Variants in FNIP2 observed in about 807,000 individuals in gnomAD.
FNIP2 encodes the protein folliculin-interacting protein 2.
In FNIP2, 32 loss-of-function variants were observed where a neutral mutation model predicts 108.7. That is an observed-to-expected ratio of 0.29 (90% CI 0.22 to 0.40). The LOEUF (loss-of-function observed/expected upper bound fraction) is 0.40, where lower values mean the gene tolerates loss of function less well. Among genes scored for constraint, FNIP2 ranks in the 10% least tolerant of loss-of-function variants. FNIP2 has a pLI of 1.00. For missense variants in FNIP2, 1,202 were observed against 1,381.6 expected (o/e 0.87, Z 2.06); for synonymous variants, 480 against 496.7 (o/e 0.97, Z 0.45).
chr4:158,860,794 T>TACCA (rs1358560923), intron 10 of FNIP2, among the ~76,000 whole-genome samples: 233 of 151,940 alleles, frequency 1.5e-3, no homozygotes, highest in African/African-American at 5.3e-3. Context: ...GTAGCTGGGT[T>TACCA]TACAGGCGCG....
chr4:158,895,164 G>A (rs1160765414), intron 15 of FNIP2, among the ~76,000 whole-genome samples: 1 of 151,976 alleles, frequency 6.6e-6, no homozygotes, highest in East Asian at 1.9e-4. Flanking sequence ...TTTCTTTATT[G>A]TTATTAAAGA....
chr4:158,869,000 A>G lies in FNIP2; in HGVS notation c.2364A>G (p.Glu788=), dbSNP rs779597020. The part of the protein sequence containing the change: ...CPQNRLSEGD[E]GESDKGFAED... ...AGAATCGGCTTTCAGAGGGGGATGA[A>G]GGCGAGTCTGACAAGGGTTTTGCAG... The change falls in exon 13 of 17, where the codon GAA becomes GAG. Residue 788 remains glutamate, a synonymous_variant. Coordinates refer to ENST00000264433, the MANE Select transcript of FNIP2 (RefSeq NM_020840.3). The surrounding 1 kb of genome is among the most constrained non-coding windows in gnomAD (Gnocchi z 4.6). 6.2e-7 allele frequency: 1 copy of G among 1,613,970 alleles called. No individual in the cohort carries two copies. Among genetic ancestry groups the G allele is most frequent in the East Asian group, 2.2e-5 (1 of 44,888 alleles).
chr4:158,849,221 A>T (rs1779569075), intron 7 of FNIP2, among the ~76,000 whole-genome samples: 2 of 152,176 alleles, frequency 1.3e-5, no homozygotes, highest in South Asian at 4.1e-4. Context: ...TTGGGGGAAA[A>T]GGGGATCTAG....
At chr4:158,775,583 A>G (rs956175713) in intron 1 of FNIP2, among the ~76,000 whole-genome samples, 6 of 152,036 alleles carry the variant, frequency 3.9e-5, no homozygotes, top group Admixed American at 1.3e-4. Flanking sequence ...TGGGATGGGG[A>G]TGGAAGGAGA....
Position 158,851,391 on chromosome 4 carries a change from C to T in FNIP2, c.798C>T (p.Tyr266=). Residue 266 remains tyrosine, a synonymous_variant, in exon 8 of 17, where the codon TAC becomes TAT. Coordinates refer to ENST00000264433, the MANE Select transcript of FNIP2 (RefSeq NM_020840.3). Reference sequence around the variant, plus strand: ...CCTCTACATCTTCTTCCAGCAGTTACCAGCGCCGCTGGCTTCGAAGTCAGA... The same window carrying T: ...CCTCTACATCTTCTTCCAGCAGTTATCAGCGCCGCTGGCTTCGAAGTCAGA... The part of the protein sequence containing the change: ...PSSSTSSSSS[Y]QRRWLRSQTT... The T allele has an allele frequency of 6.2e-7, 1 of 1,613,966 alleles. No homozygotes were observed. The highest frequency in any genetic ancestry group is 1.1e-5 in the South Asian group (1 of 91,078).
chr4:158,784,547 T>C (rs892886454), intron 1 of FNIP2, among the ~76,000 whole-genome samples: 1 of 152,212 alleles, frequency 6.6e-6, no homozygotes, highest in African/African-American at 2.4e-5. Flanking sequence ...GCATAATCAG[T>C]GGGAGCCCTG....
chr4:158,791,266 C>CTTTTTTTTTTTTTTTTTTTTTTT (rs199714823), intron 1 of FNIP2, among the ~76,000 whole-genome samples: 1 of 98,050 alleles, frequency 1.0e-5, no homozygotes, highest in Non-Finnish European at 1.9e-5. Context: ...ACTGAGGATC[C>CTTTTTTTTTTTTTTTTTTTTTTT]TTTTTTTTTT....
At chr4:158,772,998 A>G (rs1451325231) in intron 1 of FNIP2, among the ~76,000 whole-genome samples, 2 of 152,146 alleles carry the variant, frequency 1.3e-5, no homozygotes, top group African/African-American at 4.8e-5. Context: ...CTTCCCTCAC[A>G]TGGAGGGAAA....
At chr4:158,783,420 G>A (rs1045803224) in intron 1 of FNIP2, among the ~76,000 whole-genome samples, 1 of 152,218 alleles carries the variant, frequency 6.6e-6, no homozygotes, top group Non-Finnish European at 1.5e-5. Flanking sequence ...TAGTTGGAGA[G>A]GGGCAAGTTA....
chr4:158,901,545 G>T (rs1051874460), intron 16 of FNIP2, among the ~76,000 whole-genome samples: 1 of 152,088 alleles, frequency 6.6e-6, no homozygotes, highest in Non-Finnish European at 1.5e-5. Context: ...GCCTTGCTAG[G>T]TTGGGGACAT....
chr4:158,859,389 A>G lies in FNIP2; in HGVS notation c.1059+131A>G, dbSNP rs1164522875. 6.1e-6 allele frequency: 7 copies of G among 1,147,808 alleles called. No homozygotes were observed. In the Admixed American group the frequency reaches 7.7e-5, roughly 13 times the overall value. 71.1% of individuals were successfully genotyped at this position (1,147,808 alleles called of 1,614,324 possible). A position where few individuals can be genotyped will look rare whatever the true frequency, so the allele number is the denominator to read the frequency against. On this transcript the variant is annotated intron_variant, in intron 9 of 16. Transcript: ENST00000264433. ...ATCACCTGTAGCAGTGATAAATTTT[A>G]GGCATGTTGATGTTAGTTACCAGAT...
chr4:158,828,947 A>T (rs530387006), intron 2 of FNIP2, 132 bp from the exon 3 acceptor site: 1 of 720,174 alleles, frequency 1.4e-6, no homozygotes, highest in East Asian at 3.0e-5. Context: ...TTATTGGGGA[A>T]AAAAAAAAGC....
chr4:158,810,347 G>A (rs1008513623), intron 1 of FNIP2, among the ~76,000 whole-genome samples: 21 of 152,198 alleles, frequency 1.4e-4, no homozygotes, highest in Non-Finnish European at 7.3e-5. Flanking sequence ...CAGAGAGGTC[G>A]TAAATGGTTG....
chr4:158,899,322 G>A (rs780832470), intron 16 of FNIP2, among the ~76,000 whole-genome samples: 3 of 152,068 alleles, frequency 2.0e-5, no homozygotes, highest in Non-Finnish European at 4.4e-5. Flanking sequence ...TTTTTGTTGG[G>A]TCTCTGCCAG....
chr4:158,874,158 A>G (rs1378854602), intron 14 of FNIP2, among the ~76,000 whole-genome samples: 3 of 152,246 alleles, frequency 2.0e-5, no homozygotes, highest in Non-Finnish European at 2.9e-5. Flanking sequence ...AAATGTATTT[A>G]GTGGAACAGA....
rs1288391719 is a variant in FNIP2, at chr4:158,878,994, A to T, written c.2949+8525A>T. Among the ~76,000 whole-genome samples the T allele has an allele frequency of 1.3e-5, 2 of 150,342 alleles. 1 individual carries two copies. Among genetic ancestry groups the T allele is most frequent in the Non-Finnish European group, 2.9e-5 (2 of 67,800 alleles). The stretch of plus-strand genomic sequence containing the variant: ...AATTTGAAATGGAGGCTACTTAAGA[A>T]ATTATGTTTTTGAGCTCTGAGACAA... On this transcript the variant is annotated intron_variant, in intron 14 of 16. Coordinates refer to ENST00000264433, the MANE Select transcript of FNIP2 (RefSeq NM_020840.3).
intron 8 of FNIP2, 24 bp from the exon 9 acceptor site, chr4:158,859,033 T>A (rs770037825): frequency 1.9e-6 from 3 of 1,611,100 alleles, no homozygotes; most frequent in Non-Finnish European, 2.5e-6. Flanking sequence ...CATGGCAACT[T>A]TTCAAACTTA....
intron 14 of FNIP2, among the ~76,000 whole-genome samples, chr4:158,887,196 G>C (rs764869811): frequency 2.2e-4 from 34 of 152,184 alleles, no homozygotes; most frequent in Non-Finnish European, 2.1e-4. Context: ...TCAATCTTAG[G>C]TTCGTATTTT....
At chr4:158,819,722 G>T (rs930619440) in intron 1 of FNIP2, among the ~76,000 whole-genome samples, 3 of 152,232 alleles carry the variant, frequency 2.0e-5, no homozygotes, top group African/African-American at 4.8e-5. Flanking sequence ...TGTGTATTTT[G>T]TGCTGACAGG....
Sources: allele counts gnomAD v4.1 joint callset (sites outside exome capture counted in the v4.1 genomes callset), GRCh38; gene constraint gnomAD v4.1.1; non-coding constraint Gnocchi (gnomAD v3.1); transcripts MANE v1.5; gene names NCBI Gene and HGNC (gene_info 2026-07-23, HGNC 2026-07-21).